SLC4A5: variants seen among roughly 807,000 people sequenced by gnomAD.
SLC4A5 encodes the protein solute carrier family 4 member 5, also known as electrogenic sodium bicarbonate cotransporter 4.
In SLC4A5, 96 loss-of-function variants were observed where a neutral mutation model predicts 120.4. That is an observed-to-expected ratio of 0.80 (90% CI 0.68 to 0.94). The LOEUF (loss-of-function observed/expected upper bound fraction) is 0.94. Ranked by LOEUF, SLC4A5 falls within the 40% of genes least tolerant of loss-of-function variation. The pLI, the probability that SLC4A5 is intolerant of heterozygous loss-of-function variation, is 0.00. For missense variants in SLC4A5, 1,259 were observed against 1,459.5 expected (o/e 0.86, Z 2.24); for synonymous variants, 550 against 571.1 (o/e 0.96, Z 0.53).
intron 25 of SLC4A5, among the ~76,000 whole-genome samples, chr2:74,229,396 T>C (rs865938757): frequency 1.3e-5 from 2 of 151,944 alleles, no homozygotes; most frequent in African/African-American, 2.4e-5. Flanking sequence ...ACTACAGGCA[T>C]GTGCCACCAT....
intron 5 of SLC4A5, among the ~76,000 whole-genome samples, chr2:74,322,135 C>T (rs1343742213): frequency 6.6e-6 from 1 of 151,660 alleles, no homozygotes; most frequent in East Asian, 1.9e-4. Context: ...AATCTGGGTT[C>T]CTGAGAATAT....
intron 30 of SLC4A5, 45 bp from the exon 31 acceptor site, chr2:74,218,837 T>G (rs1405456165): frequency 6.6e-6 from 1 of 152,650 alleles, no homozygotes; most frequent in Non-Finnish European, 1.5e-5. Context: ...TCTTGGTGTT[T>G]TGAACCCATC....
chr2:74,252,241 G>A lies in SLC4A5; in HGVS notation c.1416C>T (p.Ser472=), dbSNP rs145502672. 5,898 of 1,610,864 alleles carry A rather than the reference G, an allele frequency of 3.7e-3. 17 individuals carry two copies. Among genetic ancestry groups the A allele is most frequent in the Non-Finnish European group, 4.4e-3 (5,210 of 1,179,916 alleles). ...TGGCTGGCATCTCTCCATCATCCCCGCTGCTTGTTCCGCCGGCCCCGCCAC... is the reference window on the plus strand; with the variant it reads ...TGGCTGGCATCTCTCCATCATCCCCACTGCTTGTTCCGCCGGCCCCGCCAC... Residue 472 remains serine (S), a synonymous_variant, in exon 16 of 31, where the codon AGC becomes AGT. Transcript: ENST00000394019.
chr2:74,239,424 C>T lies in SLC4A5; in HGVS notation c.2230G>A (p.Ala744Thr). ...AAGAAAAGGATGAAGGACATGAGCG[C>T]CAGGTCTGGGATAAACTTGCAGGAA... The change falls in exon 21 of 31, where the codon GCG becomes ACG. Residue 744 changes from alanine to threonine, a missense_variant. Ala to Thr is a moderately conservative substitution (Grantham distance 58). Coordinates refer to ENST00000394019, the Ensembl canonical transcript of SLC4A5. 3 of 1,614,180 alleles carry T rather than the reference C, an allele frequency of 1.9e-6. No individual in the cohort carries two copies. In the South Asian group the frequency reaches 3.3e-5, roughly 18 times the overall value.
rs193126606 is a variant in SLC4A5 at position 74,303,425 on chromosome 2, G to A, written c.271+1064C>T. Among the ~76,000 whole-genome samples the A allele has an allele frequency of 8.9e-4, 135 of 152,248 alleles. 1 individual carries two copies. The highest frequency in any genetic ancestry group is 3.0e-3 in the African/African-American group (126 of 41,532). ...AACCAACTTTTCCACACTCAAGACA[G>A]TGAGCTATATATAGTAGAAACCAAA... On this transcript the variant is annotated intron_variant, in intron 7 of 30. Coordinates refer to ENST00000394019, the Ensembl canonical transcript of SLC4A5.
chr2:74,257,353 A>G (rs1022190909), intron 12 of SLC4A5, among the ~76,000 whole-genome samples: 1 of 152,186 alleles, frequency 6.6e-6, no homozygotes, highest in African/African-American at 2.4e-5. Flanking sequence ...GGAGTCCCCA[A>G]GACTCAAAAA....
At chr2:74,216,412 C>T (rs1392521600) in exon 31 of SLC4A5, 1 of 152,118 alleles carries the variant, frequency 6.6e-6, no homozygotes, top group Admixed American at 6.6e-5. Context: ...GATCAATTTA[C>T]AACAAAGAAA....
At position 74,293,023 on chromosome 2, in the gene SLC4A5, C is replaced by T. The variant is rs537262546; in HGVS notation, c.272-7121G>A. Among the ~76,000 whole-genome samples the T allele has an allele frequency of 1.7e-4, 25 of 144,510 alleles. 2 individuals carry two copies. The highest frequency in any genetic ancestry group is 6.2e-4 in the African/African-American group (24 of 38,438). 94.8% of individuals were successfully genotyped at this position (144,510 alleles called of 152,430 possible). A position where few individuals can be genotyped will look rare whatever the true frequency, so the allele number is the denominator to read the frequency against. ...GGAGTATATTTGCTGAGGCTGGCCT[C>T]AGCAAGAGAGGAGCCAAGAACAAGG... is the stretch of plus-strand genomic sequence containing the variant. On this transcript the variant is annotated intron_variant, in intron 7 of 30. Transcript: ENST00000394019.
chr2:74,343,151 T>C lies in SLC4A5; in HGVS notation c.-347+205A>G, dbSNP rs577045854. 2.3e-3 allele frequency among the ~76,000 whole-genome samples: 355 copies of C among 152,338 alleles called. 4 individuals carry two copies. The highest frequency in any genetic ancestry group is 8.2e-3 in the African/African-American group (340 of 41,580). Reference sequence around the variant, plus strand: ...CTTGTCCTTTGCTATGTTGGAATACTTATAGATTAGTTTCAACAATCAGGT... The same window carrying C: ...CTTGTCCTTTGCTATGTTGGAATACCTATAGATTAGTTTCAACAATCAGGT... On this transcript the variant is annotated intron_variant, in intron 1 of 30. Transcript: ENST00000394019.
chr2:74,329,103 T>C (rs60533178), intron 4 of SLC4A5, among the ~76,000 whole-genome samples: 4 of 151,844 alleles, frequency 2.6e-5, no homozygotes, highest in Non-Finnish European at 4.4e-5. Flanking sequence ...GGAGAGGTGG[T>C]AGGAATGATG....
At chr2:74,222,983 ACAC>A (rs1694708175) in intron 28 of SLC4A5, 31 bp from the exon 29 acceptor site, 4 of 1,469,262 alleles carry the variant, frequency 2.7e-6, no homozygotes, top group Non-Finnish European at 3.7e-6. Flanking sequence ...AAGAGGATAA[ACAC>A]CAACACAACA....
At chr2:74,265,237 C>G in exon 9 of SLC4A5, 3 of 1,614,190 alleles carry the variant, frequency 1.9e-6, no homozygotes, top group Non-Finnish European at 2.5e-6. Context: ...CGCCGCCTTC[C>G]TCTACCTTTT....
At chr2:74,235,203 C>T in exon 22 of SLC4A5, 4 of 1,613,754 alleles carry the variant, frequency 2.5e-6, no homozygotes, top group African/African-American at 1.3e-5. Flanking sequence ...AGTCAGCCAC[C>T]AGGGCCCGGA....
chr2:74,264,034 G>T, intron 10 of SLC4A5, 113 bp downstream of exon 10: 2 of 1,373,304 alleles, frequency 1.5e-6, no homozygotes, highest in South Asian at 1.5e-5. Context: ...GGGATCCCCA[G>T]AACATCAGAA....
intron 24 of SLC4A5, 102 bp downstream of exon 24, chr2:74,232,367 G>T: frequency 7.3e-7 from 1 of 1,364,320 alleles, no homozygotes; most frequent in Non-Finnish European, 1.0e-6. Context: ...TCAGAGCGGG[G>T]GCCCTTTTTG....
chr2:74,250,217 A>G, intron 17 of SLC4A5, 126 bp downstream of exon 17: 2 of 836,550 alleles, frequency 2.4e-6, no homozygotes, highest in Non-Finnish European at 3.8e-6. Flanking sequence ...AGGATTACAA[A>G]TAGTGATGGC....
At chr2:74,297,322 C>T (rs551500083) in intron 7 of SLC4A5, among the ~76,000 whole-genome samples, 6 of 152,310 alleles carry the variant, frequency 3.9e-5, no homozygotes, top group South Asian at 2.1e-4. Context: ...TTTAACAACT[C>T]GTAGCAATCT....
chr2:74,220,101 T>A (rs907569480), intron 30 of SLC4A5, among the ~76,000 whole-genome samples: 2 of 152,262 alleles, frequency 1.3e-5, no homozygotes, highest in African/African-American at 4.8e-5. Context: ...CTGTCCATTC[T>A]AGGGCACAAG....
At chr2:74,242,145 G>A (rs906587483) in intron 19 of SLC4A5, 93 bp from the exon 20 acceptor site, 3 of 1,201,694 alleles carry the variant, frequency 2.5e-6, no homozygotes, top group Non-Finnish European at 3.5e-6. Flanking sequence ...CAGTTCCTTA[G>A]AGCCAAGGCC....
Sources: gnomAD v4.1 joint callset for allele counts (sites outside exome capture counted in the v4.1 genomes callset) on GRCh38, gnomAD v4.1.1 for gene constraint, MANE v1.5 for transcripts, NCBI Gene and HGNC (gene_info 2026-07-23, HGNC 2026-07-21) for gene names.